Variants in SYCP1 observed in about 807,000 individuals in gnomAD.
SYCP1 encodes cancer/testis antigen 8.
In SYCP1, 64 loss-of-function variants were observed where a neutral mutation model predicts 153.1. The ratio of observed to expected loss-of-function variants is 0.42; its 90% CI spans 0.34 to 0.51. The LOEUF is 0.51. Ranked by LOEUF, SYCP1 falls within the 20% of genes least tolerant of loss-of-function variation. The pLI is 0.06. For missense variants in SYCP1, 997 were observed against 1,049.0 expected (o/e 0.95, Z 0.68); for synonymous variants, 384 against 341.8 (o/e 1.12, Z -1.36).
chr1:114,981,630 A>T, intron 29 of SYCP1, 118 bp downstream of exon 29: 3 of 950,154 alleles, frequency 3.2e-6, no homozygotes, highest in Non-Finnish European at 3.0e-6. Context: ...GAAAGTTTCA[A>T]TTTTTTTTGT....
chr1:114,906,796 A>G (rs1667838871), intron 16 of SYCP1, among the ~76,000 whole-genome samples: 1 of 152,200 alleles, frequency 6.6e-6, no homozygotes, highest in African/African-American at 2.4e-5. Context: ...CACTGAAAAT[A>G]ATATGTATTC....
chr1:114,856,456 G>T lies in SYCP1; in HGVS notation c.109-117G>T. 3 of 596,268 alleles carry T rather than the reference G, an allele frequency of 5.0e-6. 1 individual carries two copies. Among genetic ancestry groups the T allele is most frequent in the Non-Finnish European group, 5.5e-6 (2 of 364,318 alleles). The allele number at this position is 596,268 out of a possible 1,614,324, so 36.9% of individuals were successfully genotyped here. A position where few individuals can be genotyped will look rare whatever the true frequency, so the allele number is the denominator to read the frequency against. On this transcript the variant is annotated intron_variant, in intron 2 of 31. Coordinates refer to ENST00000369522, the MANE Select transcript of SYCP1 (RefSeq NM_003176.4). ...TTTAAACACTGTATGTACATTAAAGGATTTGCAATTATAGTAACCTTTTTA... is the reference window on the plus strand; with the variant it reads ...TTTAAACACTGTATGTACATTAAAGTATTTGCAATTATAGTAACCTTTTTA...
rs1415046381 is a variant in SYCP1 at position 114,934,421 on chromosome 1, G to T, written c.1926+7858G>T. 2.6e-5 allele frequency among the ~76,000 whole-genome samples: 4 copies of T among 152,104 alleles called. 1 individual carries two copies. The East Asian group carries it at 7.7e-4, about 29-fold the overall frequency. Reference sequence around the variant, plus strand: ...GCTCATGAAGGAAGCACTAAACATGGAAAAGAACAACCGGTACCAGCCACT... The same window carrying T: ...GCTCATGAAGGAAGCACTAAACATGTAAAAGAACAACCGGTACCAGCCACT... On this transcript the variant is annotated intron_variant, in intron 23 of 31. Transcript: ENST00000369522.
intron 27 of SYCP1, among the ~76,000 whole-genome samples, chr1:114,961,315 T>G (rs967866374): frequency 1.3e-5 from 2 of 152,214 alleles, no homozygotes; most frequent in African/African-American, 4.8e-5. Flanking sequence ...CATTTATCTT[T>G]TGTATTTTTT....
At chr1:114,970,782 C>T (rs545035673) in intron 27 of SYCP1, among the ~76,000 whole-genome samples, 3 of 152,138 alleles carry the variant, frequency 2.0e-5, no homozygotes, top group Admixed American at 1.3e-4. Flanking sequence ...GTCTCTCAGC[C>T]GTGGCTACCA....
chr1:114,947,287 T>G lies in SYCP1; in HGVS notation c.2289T>G (p.Val763=), dbSNP rs1438519332. The change falls in exon 27 of 32, where the codon GTT becomes GTG. Residue 763 remains valine, a synonymous_variant. Transcript: ENST00000369522. ...ATCTCAAAGCTGAACTTTTGTCTGT[T>G]AAGAAGCAACTTGAAATAGAAAGAG... is the stretch of plus-strand genomic sequence containing the variant. ...LSNLKAELLS[V]KKQLEIEREE... 3 of 1,612,968 alleles carry G rather than the reference T, an allele frequency of 1.9e-6. No homozygotes were observed. The highest frequency in any genetic ancestry group is 3.3e-5 in the Admixed American group (2 of 59,848).
chr1:114,886,286 A>G lies in SYCP1; in HGVS notation c.1167A>G (p.Glu389=). 1 of 1,593,626 alleles carries G rather than the reference A, an allele frequency of 6.3e-7. No individual in the cohort carries two copies. Among genetic ancestry groups the G allele is most frequent in the South Asian group, 1.2e-5 (1 of 86,404 alleles). Reference sequence around the variant, plus strand: ...AAACTACTGTCTGCAGCTTGGAAGAATTATTGAGAACAGAACAGCAAAGGT... The same window carrying G: ...AAACTACTGTCTGCAGCTTGGAAGAGTTATTGAGAACAGAACAGCAAAGGT... ...EFETTVCSLE[E]LLRTEQQRLE... Residue 389 remains glutamate, a synonymous_variant, in exon 14 of 32, where the codon GAA becomes GAG. Transcript: ENST00000369522.
chr1:114,867,234 T>G (rs1362592165), intron 8 of SYCP1, among the ~76,000 whole-genome samples: 1 of 152,148 alleles, frequency 6.6e-6, no homozygotes, highest in Non-Finnish European at 1.5e-5. Context: ...TTCGCTCTTC[T>G]GAGTCTTTTG....
intron 20 of SYCP1, 38 bp downstream of exon 20, chr1:114,914,083 AGATTTT>A (rs747669322): frequency 1.6e-5 from 23 of 1,441,496 alleles, no homozygotes; most frequent in Non-Finnish European, 2.2e-5. Flanking sequence ...GTCTGGCAAA[AGATTTT>A]GATATTTCTT....
intron 16 of SYCP1, among the ~76,000 whole-genome samples, chr1:114,898,176 A>G (rs1667184605): frequency 6.6e-6 from 1 of 152,132 alleles, no homozygotes; most frequent in Non-Finnish European, 1.5e-5. Context: ...TGAGTTTGGG[A>G]CCAAAATGTG....
At position 114,856,522 on chromosome 1, in the gene SYCP1, A is replaced by G. The variant is rs149431044; in HGVS notation, c.109-51A>G. ...CATATGTATATATTACACTATTAGTATATCAGAGTGGTATGAAACAGAATA... is the reference window on the plus strand; with the variant it reads ...CATATGTATATATTACACTATTAGTGTATCAGAGTGGTATGAAACAGAATA... On this transcript the variant is annotated intron_variant, in intron 2 of 31. Coordinates refer to ENST00000369522, the MANE Select transcript of SYCP1 (RefSeq NM_003176.4). The G allele has an allele frequency of 1.1e-3, 1,352 of 1,272,250 alleles. 11 individuals carry two copies. In the African/African-American group the frequency reaches 0.018, roughly 17 times the overall value. The allele number at this position is 1,272,250 out of a possible 1,614,324, so 78.8% of individuals were successfully genotyped here.
intron 23 of SYCP1, among the ~76,000 whole-genome samples, chr1:114,940,897 T>C (rs1350923278): frequency 2.0e-5 from 3 of 152,162 alleles, no homozygotes; most frequent in Non-Finnish European, 4.4e-5. Flanking sequence ...TACACAATGA[T>C]TGTGGATTTC....
At chr1:114,889,571 T>G (rs1557774622) in intron 15 of SYCP1, among the ~76,000 whole-genome samples, 1 of 152,224 alleles carries the variant, frequency 6.6e-6, no homozygotes, top group South Asian at 2.1e-4. Flanking sequence ...CTTGTAAACT[T>G]GTTTAAGCTC....
chr1:114,899,082 C>T (rs376790281), intron 16 of SYCP1, among the ~76,000 whole-genome samples: 2 of 152,318 alleles, frequency 1.3e-5, no homozygotes, highest in African/African-American at 4.8e-5. Context: ...CATACCCTTC[C>T]AGTCAAAGCC....
intron 23 of SYCP1, among the ~76,000 whole-genome samples, chr1:114,942,911 A>G (rs1425794880): frequency 6.6e-6 from 1 of 151,988 alleles, no homozygotes; most frequent in Non-Finnish European, 1.5e-5. Flanking sequence ...TTACATATAT[A>G]AAGAACAAAG....
At chr1:114,921,159 G>A (rs1668843567) in intron 20 of SYCP1, among the ~76,000 whole-genome samples, 1 of 150,526 alleles carries the variant, frequency 6.6e-6, no homozygotes. Context: ...TTTTTTATTT[G>A]AAGTTACCAT....
At chr1:114,932,191 C>G (rs1218870562) in intron 23 of SYCP1, among the ~76,000 whole-genome samples, 1 of 152,002 alleles carries the variant, frequency 6.6e-6, no homozygotes, top group Non-Finnish European at 1.5e-5. Flanking sequence ...CTTAACATGT[C>G]AAATAAGTTA....
rs1259720373 is a variant in SYCP1, at chr1:114,899,053, T to A, written c.1320+3544T>A. On this transcript the variant is annotated intron_variant, in intron 16 of 31. Coordinates refer to ENST00000369522, the MANE Select transcript of SYCP1 (RefSeq NM_003176.4). ...CTTTTATTGGCTCTGCAAGTCAAGT[T>A]TGACTGCTTAAAGGGAAGCATACCC... Among the ~76,000 whole-genome samples the A allele has an allele frequency of 2.0e-5, 3 of 152,230 alleles. No homozygotes were observed. In the East Asian group the frequency reaches 5.8e-4, roughly 29 times the overall value.
intron 15 of SYCP1, among the ~76,000 whole-genome samples, 154 bp from the exon 16 acceptor site, chr1:114,895,294 T>C (rs534546261): frequency 6.6e-6 from 1 of 152,268 alleles, no homozygotes; most frequent in African/African-American, 2.4e-5. Flanking sequence ...CTTTTCATAG[T>C]TAGATTTGGA....
Sources: gnomAD v4.1 joint callset for allele counts (sites outside exome capture counted in the v4.1 genomes callset) on GRCh38, gnomAD v4.1.1 for gene constraint, MANE v1.5 for transcripts, NCBI Gene and HGNC (gene_info 2026-07-23, HGNC 2026-07-21) for gene names.